The following TBC1D4 variants were observed in gnomAD, a reference collection of about 807,000 sequenced individuals.
TBC1D4 encodes TBC1 domain family member 4, also known as TBC (Tre-2, BUB2, CDC16) domain-containing protein.
A neutral mutation model predicts 142.5 loss-of-function variants in TBC1D4; 121 were observed. The ratio of observed to expected loss-of-function variants is 0.85; its 90% CI spans 0.73 to 0.99. The LOEUF (loss-of-function observed/expected upper bound fraction) is 0.99. TBC1D4 is among the 50% of genes least tolerant of loss of function. The probability of loss-of-function intolerance (pLI) is 0.00; values close to 1 mark genes in which losing one functional copy is unlikely to be tolerated. For synonymous variants in TBC1D4, 630 were observed against 628.2 expected, an observed-to-expected ratio of 1.00 and a Z score of -0.04; for missense variants, 1,475 against 1,606.6, an observed-to-expected ratio of 0.92 and a Z score of 1.40.
intron 4 of TBC1D4, among the ~76,000 whole-genome samples, chr13:75,355,876 T>C (rs1418512854): frequency 6.6e-6 from 1 of 152,258 alleles, no homozygotes; most frequent in Non-Finnish European, 1.5e-5. Context: ...GCTTTTCTCC[T>C]ATTATTAGTC....
At chr13:75,402,361 T>C (rs1046719168) in intron 1 of TBC1D4, among the ~76,000 whole-genome samples, 15 of 152,326 alleles carry the variant, frequency 9.8e-5, no homozygotes, top group Admixed American at 9.1e-4. Context: ...TTCATTCTTC[T>C]ATGCCGCAAC....
intron 1 of TBC1D4, among the ~76,000 whole-genome samples, chr13:75,471,266 T>C (rs532225591): frequency 6.6e-6 from 1 of 152,322 alleles, no homozygotes; most frequent in African/African-American, 2.4e-5. Flanking sequence ...GTCTCTATGT[T>C]ATAACTAATG....
At chr13:75,336,423 G>T in intron 8 of TBC1D4, among the ~76,000 whole-genome samples, 1 of 148,448 alleles carries the variant, frequency 6.7e-6, no homozygotes, top group South Asian at 2.2e-4. Flanking sequence ...ATCATTTTGA[G>T]CTGGGCATGG....
At chr13:75,459,907 C>T (rs1253702374) in intron 1 of TBC1D4, among the ~76,000 whole-genome samples, 1 of 152,174 alleles carries the variant, frequency 6.6e-6, no homozygotes, top group Non-Finnish European at 1.5e-5. Flanking sequence ...CTTTGGGAAG[C>T]TGAGGTGGGC....
chr13:75,364,084 G>C (rs1160532977), intron 1 of TBC1D4, among the ~76,000 whole-genome samples: 2 of 152,160 alleles, frequency 1.3e-5, no homozygotes, highest in Non-Finnish European at 2.9e-5. Flanking sequence ...AAGGGGCAGG[G>C]TGGGGAGTGT....
rs545133795 is a variant in TBC1D4 at position 75,305,893 on chromosome 13, AATTG to A, written c.2752+416_2752+419del. The stretch of plus-strand genomic sequence containing the variant: ...GTGAAGAAATGAATGGATGAAAGAA[AATTG>A]ATTGATTACTTAGCCAGAATATAAA... On this transcript the variant is annotated intron_variant, in intron 15 of 20. Coordinates refer to ENST00000377636, the MANE Select transcript of TBC1D4 (RefSeq NM_014832.5). Among the ~76,000 whole-genome samples the A allele has an allele frequency of 1.4e-3, 220 of 152,308 alleles. 1 individual carries two copies. Among genetic ancestry groups the A allele is most frequent in the African/African-American group, 4.8e-3 (201 of 41,566 alleles).
chr13:75,445,243 T>G (rs563289317), intron 1 of TBC1D4, among the ~76,000 whole-genome samples: 5 of 152,368 alleles, frequency 3.3e-5, no homozygotes, highest in Non-Finnish European at 7.3e-5. Flanking sequence ...GTGTATATAC[T>G]GTACATCACT....
intron 1 of TBC1D4, among the ~76,000 whole-genome samples, chr13:75,436,804 T>A (rs1190632592): frequency 6.6e-6 from 1 of 152,140 alleles, no homozygotes; most frequent in Non-Finnish European, 1.5e-5. Context: ...AGTAAAAAAA[T>A]TTTATTAACC....
chr13:75,332,651 T>C (rs1474497329), intron 8 of TBC1D4, among the ~76,000 whole-genome samples: 1 of 152,166 alleles, frequency 6.6e-6, no homozygotes, highest in Non-Finnish European at 1.5e-5. Flanking sequence ...TTTTACTAAT[T>C]TATAAATTTT....
chr13:75,404,691 T>A (rs1885246817), intron 1 of TBC1D4, among the ~76,000 whole-genome samples: 1 of 152,198 alleles, frequency 6.6e-6, no homozygotes, highest in East Asian at 1.9e-4. Flanking sequence ...TATATTTGGG[T>A]AGCGAGGGAC....
chr13:75,386,697 T>C (rs1214179952), intron 1 of TBC1D4, among the ~76,000 whole-genome samples: 1 of 152,128 alleles, frequency 6.6e-6, no homozygotes, highest in Non-Finnish European at 1.5e-5. Flanking sequence ...ACATGCTCAT[T>C]GGGAAATAAT....
At chr13:75,313,936 C>T (rs1365852787) in intron 12 of TBC1D4, among the ~76,000 whole-genome samples, 1 of 152,160 alleles carries the variant, frequency 6.6e-6, no homozygotes, top group Non-Finnish European at 1.5e-5. Context: ...AATTCCCCAA[C>T]TTATTGAAAT....
chr13:75,398,758 T>C (rs532343915), intron 1 of TBC1D4, among the ~76,000 whole-genome samples: 1 of 152,280 alleles, frequency 6.6e-6, no homozygotes, highest in African/African-American at 2.4e-5. Flanking sequence ...AGGACCAAAA[T>C]AGGGCTCTGA....
At position 75,349,152 on chromosome 13, in the gene TBC1D4, AG is replaced by A; in HGVS notation, c.1408+17del. On this transcript the variant is annotated intron_variant, in intron 5 of 20. Transcript: ENST00000377636. ...CCAAAGCAAACTTCTCTTTTGCCAA[AG>A]CCACATTAAACTGTACCTTCAATCC... The A allele has an allele frequency of 6.2e-7, 1 of 1,613,972 alleles. No homozygotes were observed. Among genetic ancestry groups the A allele is most frequent in the Non-Finnish European group, 8.5e-7 (1 of 1,179,864 alleles).
intron 8 of TBC1D4, among the ~76,000 whole-genome samples, chr13:75,328,281 C>T (rs1277452307): frequency 6.6e-6 from 1 of 152,112 alleles, no homozygotes; most frequent in Non-Finnish European, 1.5e-5. Context: ...GAAAAGAAAA[C>T]CACATTCTAA....
chr13:75,393,412 G>T (rs994971844), intron 1 of TBC1D4, among the ~76,000 whole-genome samples: 20 of 152,050 alleles, frequency 1.3e-4, no homozygotes, highest in Non-Finnish European at 2.9e-5. Flanking sequence ...TGTCTGCCAG[G>T]CTCCGCTCCA....
chr13:75,344,242 T>TC (rs1358005967), intron 5 of TBC1D4, among the ~76,000 whole-genome samples: 1 of 152,204 alleles, frequency 6.6e-6, no homozygotes, highest in East Asian at 1.9e-4. Flanking sequence ...TTGTTTTGTT[T>TC]CCTGTTGTTT....
chr13:75,329,633 C>T lies in TBC1D4; in HGVS notation c.1732-1807G>A, dbSNP rs76115846. On this transcript the variant is annotated intron_variant, in intron 8 of 20. Transcript: ENST00000377636. ...TGCTTCCTTGGTCCCATGTCTTCTC[C>T]TTTTTTAGTTTAATTCCTCATTTGG... Among the ~76,000 whole-genome samples, 183 of 152,232 alleles carry T rather than the reference C, an allele frequency of 1.2e-3. 1 individual carries two copies. Among genetic ancestry groups the T allele is most frequent in the African/African-American group, 4.3e-3 (178 of 41,554 alleles).
rs117538159 is a variant in TBC1D4 at position 75,466,372 on chromosome 13, T to A, written c.498+14898A>T. Among the ~76,000 whole-genome samples, 677 of 152,202 alleles carry A rather than the reference T, an allele frequency of 4.4e-3. 3 individuals are homozygous for A. The highest frequency in any genetic ancestry group is 6.5e-3 in the Non-Finnish European group (444 of 67,976). The stretch of plus-strand genomic sequence containing the variant: ...CCATCCGCACTAGAAAAATGAACAT[T>A]TTGTTCATTGACAGCAAGAGTCTAA... On this transcript the variant is annotated intron_variant, in intron 1 of 20. Transcript: ENST00000377636.
Sources: allele counts gnomAD v4.1 joint callset (sites outside exome capture counted in the v4.1 genomes callset), GRCh38; gene constraint gnomAD v4.1.1; transcripts MANE v1.5; gene names NCBI Gene and HGNC (gene_info 2026-07-23, HGNC 2026-07-21).